Variants in MYO5C observed in about 807,000 individuals in gnomAD.
MYO5C encodes the protein unconventional myosin-Vc.
In MYO5C, 194 loss-of-function variants were observed where a neutral mutation model predicts 235.7. The observed-to-expected ratio is 0.82, with a 90% confidence interval of 0.73 to 0.93. The LOEUF (loss-of-function observed/expected upper bound fraction) is 0.93, where lower values mean the gene tolerates loss of function less well. Among genes scored for constraint, MYO5C ranks in the 40% least tolerant of loss-of-function variants. MYO5C has a pLI of 0.00. For synonymous variants in MYO5C, 707 were observed against 754.8 expected, an observed-to-expected ratio of 0.94 and a Z score of 1.04; for missense variants, 2,038 against 2,127.2, an observed-to-expected ratio of 0.96 and a Z score of 0.82.
rs1223658433 is a variant in MYO5C at position 52,223,662 on chromosome 15, T to C, written c.3509A>G (p.Asn1170Ser). The change falls in exon 29 of 41, where the codon AAC becomes AGC. Residue 1170 changes from asparagine to serine, a missense_variant. Transcript: ENST00000261839. ...TTGACTGAGATGCACCACTTTGAAGTTCAAAGCTTCAATCTCCTTTTCATA... is the reference window on the plus strand; with the variant it reads ...TTGACTGAGATGCACCACTTTGAAGCTCAAAGCTTCAATCTCCTTTTCATA... ...DCYEKEIEAL[N>S]FKVVHLSQEI... 6.2e-7 allele frequency: 1 copy of C among 1,614,130 alleles called. No homozygotes were observed. Among genetic ancestry groups the C allele is most frequent in the Non-Finnish European group, 8.5e-7 (1 of 1,180,004 alleles).
At chr15:52,211,954 G>C in intron 34 of MYO5C, 70 bp from the exon 35 acceptor site, 1 of 1,512,016 alleles carries the variant, frequency 6.6e-7, no homozygotes. Flanking sequence ...CTTGTGACTA[G>C]GGGCAGGGGC....
In MYO5C at chr15:52,239,913, A is replaced by T. The variant is rs768472190; in HGVS notation, c.2557-34T>A. On this transcript the variant is annotated intron_variant, in intron 20 of 40. Coordinates refer to ENST00000261839, the MANE Select transcript of MYO5C (RefSeq NM_018728.4). Reference sequence around the variant, plus strand: ...CAAGATTTTGTGAAACATAAACTGGATCCCAAGTGCTTCTCTAACCAACTC... The same window carrying T: ...CAAGATTTTGTGAAACATAAACTGGTTCCCAAGTGCTTCTCTAACCAACTC... 6 of 1,584,132 alleles carry T rather than the reference A, an allele frequency of 3.8e-6. No individual in the cohort carries two copies. In the African/African-American group the frequency reaches 5.4e-5, roughly 14 times the overall value.
At chr15:52,206,266 A>C (rs996890832) in intron 36 of MYO5C, among the ~76,000 whole-genome samples, 2 of 152,354 alleles carry the variant, frequency 1.3e-5, no homozygotes, top group South Asian at 4.1e-4. Flanking sequence ...AAATGAAACA[A>C]AACTGCAGAG....
At chr15:52,194,554 G>T (rs2035003245) in intron 40 of MYO5C, among the ~76,000 whole-genome samples, 1 of 151,958 alleles carries the variant, frequency 6.6e-6, no homozygotes, top group Admixed American at 6.6e-5. Context: ...GTGTATATCG[G>T]TATTTGCCAT....
chr15:52,202,918 A>ATT (rs199690225), intron 38 of MYO5C, among the ~76,000 whole-genome samples: 4 of 105,138 alleles, frequency 3.8e-5, no homozygotes, highest in South Asian at 5.9e-4. Flanking sequence ...GGTACATGAA[A>ATT]TTTTTTTTTG....
chr15:52,196,351 G>C lies in MYO5C; in HGVS notation c.4953C>G (p.Ala1651=). The change falls in exon 39 of 41, where the codon GCC becomes GCG. Residue 1651 remains alanine, a synonymous_variant. Transcript: ENST00000261839. The part of the protein sequence containing the change: ...LQVKKTTDSD[A]KEIYERCTSL... ...AGGTGCAGCGTTCGTAGATCTCCTT[G>C]GCATCACTGTCTGTGGTCTTCTTGA... is the stretch of plus-strand genomic sequence containing the variant. 6.2e-7 allele frequency: 1 copy of C among 1,613,866 alleles called. No individual in the cohort carries two copies. The highest frequency in any genetic ancestry group is 8.5e-7 in the Non-Finnish European group (1 of 1,179,986).
In MYO5C at chr15:52,235,684, G is replaced by A. The variant is rs778862426; in HGVS notation, c.2948C>T (p.Thr983Ile). Residue 983 changes from threonine to isoleucine, a missense_variant, in exon 23 of 41, where the codon ACT becomes ATT. Transcript: ENST00000261839. ...CCAAGCTTTACCTTTTAACTCTTCAGTCTTCTCTTGAAGCTTCAGCTGTAT... is the reference window on the plus strand; with the variant it reads ...CCAAGCTTTACCTTTTAACTCTTCAATCTTCTCTTGAAGCTTCAGCTGTAT... ...EQIQLKLQEK[T>I]EELKEKMDNL... 29 of 1,611,240 alleles carry A rather than the reference G, an allele frequency of 1.8e-5. No individual in the cohort carries two copies. Among genetic ancestry groups the A allele is most frequent in the Non-Finnish European group, 2.3e-5 (27 of 1,178,530 alleles).
At chr15:52,286,061 G>A (rs2037260020) in intron 1 of MYO5C, among the ~76,000 whole-genome samples, 1 of 151,846 alleles carries the variant, frequency 6.6e-6, no homozygotes, top group East Asian at 1.9e-4. Flanking sequence ...TCTGGGATGT[G>A]AGGAGCGTCT....
chr15:52,271,009 T>G (rs979293123), intron 7 of MYO5C, among the ~76,000 whole-genome samples: 4 of 152,070 alleles, frequency 2.6e-5, no homozygotes, highest in Admixed American at 1.3e-4. Flanking sequence ...AACAGCCCTA[T>G]GTTTTAGCCA....
chr15:52,242,207 A>T lies in MYO5C; in HGVS notation c.2397T>A (p.Ala799=). 6.2e-7 allele frequency: 1 copy of T among 1,610,954 alleles called. No individual in the cohort carries two copies. The highest frequency in any genetic ancestry group is 8.5e-7 in the Non-Finnish European group (1 of 1,178,288). Residue 799 remains alanine (A), a synonymous_variant, in exon 20 of 41, where the codon GCT becomes GCA. Coordinates refer to ENST00000261839, the MANE Select transcript of MYO5C (RefSeq NM_018728.4). ...CTTCTTTTAAGGCCACTGCAGTAATAGCTTTCCTTGGTTAACAAGGATGAA... is the reference window on the plus strand; with the variant it reads ...CTTCTTTTAAGGCCACTGCAGTAATTGCTTTCCTTGGTTAACAAGGATGAA... The part of the protein sequence containing the change: ...YFRGQQTVRK[A]ITAVALKEAW...
chr15:52,294,267 T>A (rs1343421835), intron 1 of MYO5C, among the ~76,000 whole-genome samples: 2 of 152,268 alleles, frequency 1.3e-5, no homozygotes, highest in Non-Finnish European at 2.9e-5. Context: ...CGTCGAAGAC[T>A]AGTCCAAGAC....
intron 38 of MYO5C, among the ~76,000 whole-genome samples, chr15:52,198,609 T>C (rs2035110470): frequency 6.6e-6 from 1 of 152,066 alleles, no homozygotes; most frequent in African/African-American, 2.4e-5. Context: ...TGAGACAGAG[T>C]CTCACTCTGT....
Position 52,205,835 on chromosome 15 carries a change from C to G in MYO5C, c.4518G>C (p.Lys1506Asn), listed in dbSNP as rs1197483221. The G allele has an allele frequency of 6.4e-7, 1 of 1,568,606 alleles. No homozygotes were observed. Among genetic ancestry groups the G allele is most frequent in the African/African-American group, 1.4e-5 (1 of 73,792 alleles). ...IYHQFIIIME[K>N]NIQPIIVPGM... Reference sequence around the variant, plus strand: ...TCTTACCTATTATCGGTTGGATATTCTTTTCCATTATGATAATAAATTGAT... The same window carrying G: ...TCTTACCTATTATCGGTTGGATATTGTTTTCCATTATGATAATAAATTGAT... Residue 1506 changes from lysine to asparagine, a missense_variant, in exon 37 of 41, where the codon AAG (lysine) becomes AAC (asparagine). Physicochemically the swap from Lys to Asn is moderately conservative, Grantham distance 94 (BLOSUM62 0). Transcript: ENST00000261839.
At chr15:52,277,361 C>T (rs935916344) in intron 4 of MYO5C, among the ~76,000 whole-genome samples, 7 of 152,044 alleles carry the variant, frequency 4.6e-5, no homozygotes, top group Non-Finnish European at 5.9e-5. Context: ...TCCCTAATCA[C>T]CACGATACCT....
intron 1 of MYO5C, among the ~76,000 whole-genome samples, chr15:52,285,444 C>T (rs907577491): frequency 1.3e-5 from 2 of 149,386 alleles, no homozygotes; most frequent in East Asian, 2.0e-4. Flanking sequence ...TCTCCCTCTC[C>T]CTCCTCTCCC....
intron 23 of MYO5C, among the ~76,000 whole-genome samples, chr15:52,233,505 T>C (rs867401947): frequency 2.6e-5 from 4 of 152,200 alleles, no homozygotes; most frequent in Non-Finnish European, 4.4e-5. Context: ...TCTGCTCCAG[T>C]TGTGACAACC....
In MYO5C at chr15:52,244,357, TCA is replaced by T. The variant is rs745972084; in HGVS notation, c.2387_2388del (p.Val796GlufsTer62). 1.2e-6 allele frequency: 2 copies of T among 1,611,912 alleles called. No individual in the cohort carries two copies. The highest frequency in any genetic ancestry group is 2.7e-5 in the African/African-American group (2 of 74,778). On this transcript the variant is annotated frameshift_variant and splice_region_variant, in exon 19 of 41. Coordinates refer to ENST00000261839, the MANE Select transcript of MYO5C (RefSeq NM_018728.4). LOFTEE classifies it high-confidence loss of function. ...ATGTGTTCCTTGATTCCAACATACC[TCA>T]CAGTTTGCTGACCCCGGAAGTACTG... ...IQQYFRGQQT[V>X]RKAITAVALK...
intron 8 of MYO5C, among the ~76,000 whole-genome samples, chr15:52,268,327 A>G (rs1045280413): frequency 8.5e-5 from 13 of 152,178 alleles, no homozygotes; most frequent in Non-Finnish European, 1.8e-4. Flanking sequence ...CATTTTGGGA[A>G]GCCAAGGCGG....
intron 39 of MYO5C, 58 bp downstream of exon 39, chr15:52,196,251 G>A: frequency 6.7e-7 from 1 of 1,481,796 alleles, no homozygotes; most frequent in South Asian, 1.4e-5. Context: ...GAAAGGCAAT[G>A]CCCACTGCAC....
Sources: gnomAD v4.1 joint callset for allele counts (sites outside exome capture counted in the v4.1 genomes callset) on GRCh38, gnomAD v4.1.1 for gene constraint, MANE v1.5 for transcripts, NCBI Gene and HGNC (gene_info 2026-07-23, HGNC 2026-07-21) for gene names.